The following CREB3L1 variants were observed in gnomAD, a reference collection of about 807,000 sequenced individuals.
CREB3L1 encodes cyclic AMP-responsive element-binding protein 3-like protein 1.
A neutral mutation model predicts 54.5 loss-of-function variants in CREB3L1; 33 were observed. That is an observed-to-expected ratio of 0.61 (90% CI 0.46 to 0.81). The LOEUF (loss-of-function observed/expected upper bound fraction) is 0.81. CREB3L1 is among the 30% of genes least tolerant of loss of function. CREB3L1 has a pLI of 0.00. For missense variants in CREB3L1, 656 were observed against 673.3 expected (o/e 0.97, Z 0.29); for synonymous variants, 284 against 286.4 (o/e 0.99, Z 0.08).
At chr11:46,308,577 C>T (rs1030416369) in intron 3 of CREB3L1, among the ~76,000 whole-genome samples, 2 of 152,228 alleles carry the variant, frequency 1.3e-5, no homozygotes, top group African/African-American at 4.8e-5. Flanking sequence ...AGTCCCAACT[C>T]GGTGCCTCCT....
At chr11:46,308,763 T>A (rs903139375) in intron 3 of CREB3L1, among the ~76,000 whole-genome samples, 2 of 152,232 alleles carry the variant, frequency 1.3e-5, no homozygotes, top group Non-Finnish European at 2.9e-5. Flanking sequence ...TAACTGTACG[T>A]GGCTGAAGGC....
rs117628094 is a variant in CREB3L1 at position 46,287,405 on chromosome 11, C to T, written c.102+9192C>T. On this transcript the variant is annotated intron_variant, in intron 1 of 11. Transcript: ENST00000621158. ...CCTCAACCTCCCGGACTCAAGTGAT[C>T]CTCTCACCTCAAACCCCTGAGTAGC... Among the ~76,000 whole-genome samples the T allele has an allele frequency of 1.8e-4, 28 of 152,096 alleles. 1 individual carries two copies. The East Asian group carries it at 5.1e-3, about 27-fold the overall frequency.
intron 11 of CREB3L1, 72 bp downstream of exon 11, chr11:46,320,600 C>T: frequency 6.5e-7 from 1 of 1,547,508 alleles, no homozygotes; most frequent in Admixed American, 2.0e-5. Flanking sequence ...TTGGTCCCCA[C>T]ATTGGCCACA....
intron 1 of CREB3L1, among the ~76,000 whole-genome samples, chr11:46,291,390 G>C (rs1939127942): frequency 6.6e-6 from 1 of 152,174 alleles, no homozygotes; most frequent in Non-Finnish European, 1.5e-5. Flanking sequence ...CAACCTGGTG[G>C]GGTGGATATG....
chr11:46,312,527 C>T, intron 6 of CREB3L1, 53 bp downstream of exon 6: 1 of 1,609,580 alleles, frequency 6.2e-7, no homozygotes, highest in Admixed American at 1.7e-5. Context: ...GGTGGGCTCC[C>T]CTGGCATACC....
At position 46,305,552 on chromosome 11, in the gene CREB3L1, CG is replaced by C. The variant is rs533895920; in HGVS notation, c.332-2263del. 2.0e-4 allele frequency among the ~76,000 whole-genome samples: 30 copies of C among 150,256 alleles called. No individual in the cohort carries two copies. In the East Asian group the frequency reaches 3.9e-3, roughly 20 times the overall value. ...GCCTGCAGCCAGTCTAGTCCCCACA[CG>C]AGGGCAGAGTGATCTTTTATATATA... On this transcript the variant is annotated intron_variant, in intron 2 of 11. Transcript: ENST00000621158.
At chr11:46,313,831 G>C (rs777002470) in intron 8 of CREB3L1, among the ~76,000 whole-genome samples, 3 of 152,194 alleles carry the variant, frequency 2.0e-5, no homozygotes, top group African/African-American at 7.2e-5. Flanking sequence ...TAGCAGCCAC[G>C]TCAAGTCACA....
intron 2 of CREB3L1, among the ~76,000 whole-genome samples, chr11:46,304,215 G>GT (rs1336109110): frequency 6.6e-6 from 1 of 151,882 alleles, no homozygotes; most frequent in Non-Finnish European, 1.5e-5. Context: ...ACTCACGCCT[G>GT]TAATCCCAGC....
Position 46,309,992 on chromosome 11 carries a change from C to G in CREB3L1, c.520C>G (p.Pro174Ala), listed in dbSNP as rs758609617. 4 of 1,599,070 alleles carry G rather than the reference C, an allele frequency of 2.5e-6. No individual in the cohort carries two copies. The South Asian group carries it at 4.5e-5, about 18-fold the overall frequency. ...LSRLPIPHQA[P>A]GEMTQLPVIK... ...GCTGGGCTTGTCTGTTCCTCAGGCC[C>G]CGGGAGAGATGACTCAGCTGCCAGT... The change falls in exon 4 of 12, where the codon CCG (proline) becomes GCG (alanine). Residue 174 changes from proline (P) to alanine (A), a missense_variant. This residue lies in a region of CREB3L1 where 339 missense variants were observed against 331.5 expected (regional missense o/e 1.02). Coordinates refer to ENST00000621158, the MANE Select transcript of CREB3L1 (RefSeq NM_052854.4).
At chr11:46,315,178 A>G in intron 8 of CREB3L1, 1 of 331,342 alleles carries the variant, frequency 3.0e-6, no homozygotes, top group South Asian at 2.7e-5. Context: ...CAGCTTCTCC[A>G]GCGGGATCCA....
chr11:46,320,057 G>A (rs1219362993), intron 10 of CREB3L1, among the ~76,000 whole-genome samples: 1 of 152,040 alleles, frequency 6.6e-6, no homozygotes, highest in East Asian at 1.9e-4. Context: ...CATGAGGTTG[G>A]TCCTAGTATC....
Position 46,320,457 on chromosome 11 carries a change from G to T in CREB3L1, c.1452G>T (p.Glu484Asp). 6.2e-7 allele frequency: 1 copy of T among 1,606,964 alleles called. No homozygotes were observed. Residue 484 changes from glutamate to aspartate, a missense_variant, in exon 11 of 12, where the codon GAG becomes GAT. Coordinates refer to ENST00000621158, the MANE Select transcript of CREB3L1 (RefSeq NM_052854.4). ...STHETTKYLSEAWPKDGGNGT... is the reference protein window; with the variant it reads ...STHETTKYLSDAWPKDGGNGT... Reference sequence around the variant, plus strand: ...ACGAGACCACCAAGTACCTGAGTGAGGCCTGGCCTAAAGACGGTGGAAACG... The same window carrying T: ...ACGAGACCACCAAGTACCTGAGTGATGCCTGGCCTAAAGACGGTGGAAACG...
chr11:46,307,885 C>A lies in CREB3L1; in HGVS notation c.401C>A (p.Pro134Gln). 1 of 1,579,356 alleles carries A rather than the reference C, an allele frequency of 6.3e-7. No homozygotes were observed. The highest frequency in any genetic ancestry group is 2.4e-5 in the East Asian group (1 of 42,492). ...CSIMVKQEQS[P>Q]ELPVDPLAAP... ...ATCATGGTGAAGCAGGAGCAGAGCCCGGAGCTGCCCGTGGACCCTCTGGCT... is the reference window on the plus strand; with the variant it reads ...ATCATGGTGAAGCAGGAGCAGAGCCAGGAGCTGCCCGTGGACCCTCTGGCT... Residue 134 changes from proline (P) to glutamine (Q), a missense_variant, in exon 3 of 12, where the codon CCG (proline) becomes CAG (glutamine). This residue lies in a region of CREB3L1 where 339 missense variants were observed against 331.5 expected (regional missense o/e 1.02). Transcript: ENST00000621158.
chr11:46,289,206 C>T (rs1045761528), intron 1 of CREB3L1, among the ~76,000 whole-genome samples: 1 of 152,052 alleles, frequency 6.6e-6, no homozygotes, highest in South Asian at 2.1e-4. Context: ...AGTGAAACCC[C>T]GTCTCTACCA....
chr11:46,308,121 G>T, intron 3 of CREB3L1, 121 bp downstream of exon 3: 2 of 973,762 alleles, frequency 2.1e-6, no homozygotes, highest in Non-Finnish European at 2.9e-6. Context: ...GAGCCTCAGG[G>T]CTGAGGGTGG....
rs1198285742 is a variant in CREB3L1 at position 46,300,024 on chromosome 11, G to A, written c.192G>A (p.Leu64=). ...LFSSFFDDPV[L]DEKSPLLDME... ...GCAGCTTCTTTGATGACCCTGTGCT[G>A]GATGAGAAGAGCCCTCTATTGGACA... Residue 64 remains leucine (L), a synonymous_variant, in exon 2 of 12, where the codon CTG becomes CTA. Transcript: ENST00000621158. 1.9e-6 allele frequency: 3 copies of A among 1,613,832 alleles called. No individual in the cohort carries two copies. Among genetic ancestry groups the A allele is most frequent in the Non-Finnish European group, 2.5e-6 (3 of 1,179,868 alleles).
Position 46,320,352 on chromosome 11 carries a change from T to C in CREB3L1, c.1347T>C (p.Asp449=). Residue 449 remains aspartate (D), a synonymous_variant, in exon 11 of 12, where the codon GAT becomes GAC. Transcript: ENST00000621158. ...CCCTGCTGCCCATGGAGCCCCCAGA[T>C]GGCTGGGAAATCAACCCCGGGGGGC... is the stretch of plus-strand genomic sequence containing the variant. The part of the protein sequence containing the change: ...RSTLLPMEPP[D]GWEINPGGPA... 2 of 1,612,266 alleles carry C rather than the reference T, an allele frequency of 1.2e-6. No homozygotes were observed. The highest frequency in any genetic ancestry group is 1.7e-6 in the Non-Finnish European group (2 of 1,179,214).
At chr11:46,279,117 G>C (rs1465227497) in intron 1 of CREB3L1, among the ~76,000 whole-genome samples, 1 of 152,160 alleles carries the variant, frequency 6.6e-6, no homozygotes, top group African/African-American at 2.4e-5. Context: ...GGGGAGTCTA[G>C]TGGGAGCCCC....
chr11:46,292,059 G>T (rs1939138384), intron 1 of CREB3L1, among the ~76,000 whole-genome samples: 1 of 152,146 alleles, frequency 6.6e-6, no homozygotes, highest in African/African-American at 2.4e-5. Context: ...ACTGTGTTCT[G>T]TTTATACCCT....
Sources: allele counts gnomAD v4.1 joint callset (sites outside exome capture counted in the v4.1 genomes callset), GRCh38; gene constraint gnomAD v4.1.1; regional missense constraint gnomAD v4.1.1; transcripts MANE v1.5; gene names NCBI Gene and HGNC (gene_info 2026-07-23, HGNC 2026-07-21).